TMEM132D: variants seen among roughly 807,000 people sequenced by gnomAD.
The protein encoded by TMEM132D is mature OL transmembrane protein.
In TMEM132D, 21 loss-of-function variants were observed where a neutral mutation model predicts 62.3. The observed-to-expected ratio is 0.34, with a 90% CI of 0.24 to 0.49. TMEM132D has a LOEUF of 0.49. Ranked by LOEUF, TMEM132D falls within the 20% of genes least tolerant of loss-of-function variation. The pLI is 0.99. For synonymous variants in TMEM132D, 621 were observed against 575.6 expected, an observed-to-expected ratio of 1.08 and a Z score of -1.13; for missense variants, 1,346 against 1,402.8, an observed-to-expected ratio of 0.96 and a Z score of 0.65.
intron 2 of TMEM132D, among the ~76,000 whole-genome samples, chr12:129,579,238 G>T (rs1049388303): frequency 1.4e-4 from 21 of 152,216 alleles, no homozygotes; most frequent in Non-Finnish European, 5.9e-5. Context: ...ACAAGAGAAA[G>T]TTGAAATCTC....
At chr12:129,844,636 TG>T (rs1873301845) in intron 1 of TMEM132D, among the ~76,000 whole-genome samples, 1 of 152,176 alleles carries the variant, frequency 6.6e-6, no homozygotes, top group Admixed American at 6.5e-5. Flanking sequence ...AGAAGAACGA[TG>T]CTGTGCTTGG....
intron 3 of TMEM132D, among the ~76,000 whole-genome samples, chr12:129,432,866 T>C (rs10847870): frequency 0.54 from 82,466 of 152,006 alleles, 22,704 homozygotes; most frequent in East Asian, 0.76. Flanking sequence ...ATGTTACAGA[T>C]CAACACACAT....
At chr12:129,212,699 T>C (rs982555041) in intron 4 of TMEM132D, 11 of 152,348 alleles carry the variant, frequency 7.2e-5, no homozygotes, top group African/African-American at 2.6e-4. Flanking sequence ...TAATCCTTAT[T>C]GTCACTTCAT....
chr12:129,274,749 T>C (rs1031098993), intron 4 of TMEM132D, among the ~76,000 whole-genome samples: 2 of 151,702 alleles, frequency 1.3e-5, no homozygotes, highest in African/African-American at 2.4e-5. Flanking sequence ...TAGCCAGGCG[T>C]GGTGGCGGGC....
intron 3 of TMEM132D, among the ~76,000 whole-genome samples, chr12:129,504,901 A>G (rs1458734296): frequency 1.3e-5 from 2 of 152,106 alleles, no homozygotes; most frequent in African/African-American, 2.4e-5. Flanking sequence ...ACAGGTTTTT[A>G]TAGGTTGTGT....
chr12:129,623,797 C>A (rs1433756968), intron 2 of TMEM132D, among the ~76,000 whole-genome samples: 13 of 150,994 alleles, frequency 8.6e-5, no homozygotes, highest in Non-Finnish European at 5.9e-5. Flanking sequence ...TCCACATTTT[C>A]TTTACCTACT....
At chr12:129,428,938 A>G (rs1209274243) in intron 3 of TMEM132D, among the ~76,000 whole-genome samples, 1 of 152,224 alleles carries the variant, frequency 6.6e-6, no homozygotes, top group East Asian at 1.9e-4. Flanking sequence ...GGAAGTGTGA[A>G]TTTTGCCACT....
At chr12:129,270,880 G>C (rs888345224) in intron 4 of TMEM132D, among the ~76,000 whole-genome samples, 2 of 152,170 alleles carry the variant, frequency 1.3e-5, no homozygotes, top group Admixed American at 6.5e-5. Context: ...GTCATGACAA[G>C]GTTTAACTTG....
intron 4 of TMEM132D, among the ~76,000 whole-genome samples, chr12:129,309,364 C>T (rs1288943984): frequency 6.6e-6 from 1 of 151,864 alleles, no homozygotes; most frequent in Non-Finnish European, 1.5e-5. Flanking sequence ...TCAATAATTA[C>T]TTTATCACTA....
chr12:129,468,649 T>C (rs1873997853), intron 3 of TMEM132D, among the ~76,000 whole-genome samples: 1 of 152,186 alleles, frequency 6.6e-6, no homozygotes, highest in African/African-American at 2.4e-5. Flanking sequence ...CCATAAATAG[T>C]TCCCCAGTTT....
At chr12:129,574,730 T>C (rs1877611067) in intron 2 of TMEM132D, among the ~76,000 whole-genome samples, 1 of 151,692 alleles carries the variant, frequency 6.6e-6, no homozygotes, top group Non-Finnish European at 1.5e-5. Flanking sequence ...CAGGGCTTTT[T>C]CACAATATCA....
At position 129,501,284 on chromosome 12, in the gene TMEM132D, C is replaced by T. The variant is rs1044563540; in HGVS notation, c.1115+29775G>A. Reference sequence around the variant, plus strand: ...AGAGAGAAATGGAAGTTTACTTAGACGATCCTAAAATACAATCTCATGTCT... The same window carrying T: ...AGAGAGAAATGGAAGTTTACTTAGATGATCCTAAAATACAATCTCATGTCT... On this transcript the variant is annotated intron_variant, in intron 3 of 8. Transcript: ENST00000422113. Among the ~76,000 whole-genome samples the T allele has an allele frequency of 3.5e-4, 53 of 152,112 alleles. 1 individual carries two copies. The highest frequency in any genetic ancestry group is 1.0e-3 in the African/African-American group (42 of 41,488).
At chr12:129,229,096 C>T (rs1197117696) in intron 4 of TMEM132D, among the ~76,000 whole-genome samples, 1 of 152,208 alleles carries the variant, frequency 6.6e-6, no homozygotes, top group East Asian at 1.9e-4. Flanking sequence ...ACGAGCAACA[C>T]ACGTGTGATC....
chr12:129,648,323 C>A (rs1004378227), intron 2 of TMEM132D, among the ~76,000 whole-genome samples: 12 of 152,246 alleles, frequency 7.9e-5, no homozygotes, highest in African/African-American at 2.9e-4. Flanking sequence ...ATGATTTCAT[C>A]CCGACGTAAC....
At chr12:129,514,878 G>T (rs1186295699) in intron 3 of TMEM132D, among the ~76,000 whole-genome samples, 1 of 152,160 alleles carries the variant, frequency 6.6e-6, no homozygotes, top group African/African-American at 2.4e-5. Flanking sequence ...GGAAAATAGA[G>T]TCCAGCGTAA....
intron 4 of TMEM132D, among the ~76,000 whole-genome samples, chr12:129,297,303 C>T (rs1881602782): frequency 6.6e-6 from 1 of 152,224 alleles, no homozygotes; most frequent in African/African-American, 2.4e-5. Context: ...CTGACCCCCA[C>T]AGGCCTTCCC....
intron 1 of TMEM132D, among the ~76,000 whole-genome samples, chr12:129,878,580 CTTTTT>C (rs33919692): frequency 2.8e-5 from 4 of 144,362 alleles, no homozygotes; most frequent in Non-Finnish European, 6.0e-5. Flanking sequence ...CTGCAGATTG[CTTTTT>C]TTTTTTTTTA....
intron 3 of TMEM132D, among the ~76,000 whole-genome samples, chr12:129,450,565 G>GA (rs1391189022): frequency 1.3e-5 from 2 of 151,994 alleles, no homozygotes; most frequent in South Asian, 2.1e-4. Flanking sequence ...AGTTTCAAAA[G>GA]AAAAAAACAA....
intron 1 of TMEM132D, among the ~76,000 whole-genome samples, chr12:129,824,522 G>A (rs1872612931): frequency 6.6e-6 from 1 of 152,088 alleles, no homozygotes; most frequent in South Asian, 2.1e-4. Flanking sequence ...GAGGTGATGA[G>A]GCTTAGATGA....
Sources: allele counts gnomAD v4.1 joint callset (sites outside exome capture counted in the v4.1 genomes callset), GRCh38; gene constraint gnomAD v4.1.1; transcripts MANE v1.5; gene names NCBI Gene and HGNC (gene_info 2026-07-23, HGNC 2026-07-21).